Variants in RBFOX3 observed in about 807,000 individuals in gnomAD.
The protein encoded by RBFOX3 is RNA binding fox-1 homolog 3, also known as RNA binding protein fox-1 homolog 3.
RBFOX3 carries 17 observed loss-of-function variants against 48.7 expected under a neutral mutation model. The ratio of observed to expected loss-of-function variants is 0.35; its 90% confidence interval spans 0.24 to 0.52. The LOEUF (loss-of-function observed/expected upper bound fraction) is 0.52. Among genes scored for constraint, RBFOX3 ranks in the 20% least tolerant of loss-of-function variants. The pLI, the probability that RBFOX3 is intolerant of heterozygous loss-of-function variation, is 0.94. For synonymous variants in RBFOX3, 212 were observed against 209.5 expected, an observed-to-expected ratio of 1.01 and a Z score of -0.10; for missense variants, 382 against 497.5, an observed-to-expected ratio of 0.77 and a Z score of 2.21.
At chr17:79,505,244 C>A (rs1223515894) in intron 1 of RBFOX3, among the ~76,000 whole-genome samples, 2 of 152,172 alleles carry the variant, frequency 1.3e-5, no homozygotes, top group African/African-American at 4.8e-5. Flanking sequence ...CCCGCCCAGG[C>A]CCACCACACC....
chr17:79,613,255 G>A (rs2093981756), upstream of RBFOX3, among the ~76,000 whole-genome samples: 1 of 152,234 alleles, frequency 6.6e-6, no homozygotes, highest in Admixed American at 6.5e-5. Flanking sequence ...AGACGCCCGG[G>A]TGGTAAACTG....
chr17:79,424,221 A>G (rs1555724380), intron 2 of RBFOX3: 1 of 152,322 alleles, frequency 6.6e-6, no homozygotes, highest in East Asian at 1.9e-4. Flanking sequence ...GAATGAACAC[A>G]CAGTAGGGGC....
At chr17:79,278,999 A>G (rs751521318) in intron 3 of RBFOX3, among the ~76,000 whole-genome samples, 2 of 152,188 alleles carry the variant, frequency 1.3e-5, no homozygotes, top group Non-Finnish European at 2.9e-5. Flanking sequence ...TTTTGGAGGC[A>G]CATATTAGTA....
chr17:79,286,310 G>A (rs1011187183), intron 3 of RBFOX3, among the ~76,000 whole-genome samples: 2 of 152,102 alleles, frequency 1.3e-5, no homozygotes, highest in African/African-American at 4.8e-5. Context: ...GCAGGTTTTG[G>A]ACTCAGTGGA....
At chr17:79,258,582 T>C (rs2065242489) in intron 3 of RBFOX3, among the ~76,000 whole-genome samples, 1 of 152,226 alleles carries the variant, frequency 6.6e-6, no homozygotes, top group African/African-American at 2.4e-5. Flanking sequence ...AGGGGTCAGA[T>C]CCTGGGCAGA....
At chr17:79,589,968 G>A (rs2093369199) in intron 1 of RBFOX3, among the ~76,000 whole-genome samples, 1 of 152,152 alleles carries the variant, frequency 6.6e-6, no homozygotes, top group Non-Finnish European at 1.5e-5. Context: ...AAAAGAAGAA[G>A]AAAAGGAAAG....
intron 3 of RBFOX3, among the ~76,000 whole-genome samples, chr17:79,251,050 G>A (rs2063874799): frequency 6.6e-6 from 1 of 151,982 alleles, no homozygotes; most frequent in Admixed American, 6.6e-5. Flanking sequence ...TGACCCACCT[G>A]CCTCTGCCTC....
chr17:79,382,693 C>A (rs1047930939), intron 2 of RBFOX3, among the ~76,000 whole-genome samples: 3 of 152,262 alleles, frequency 2.0e-5, no homozygotes, highest in Admixed American at 2.0e-4. Context: ...AGCATCCTCG[C>A]AAACAGCTTC....
chr17:79,555,299 T>G (rs1599140679), intron 1 of RBFOX3, among the ~76,000 whole-genome samples: 4 of 107,280 alleles, frequency 3.7e-5, no homozygotes, highest in Non-Finnish European at 5.8e-5. Flanking sequence ...GTGATGGTGG[T>G]GATGATGGTA....
At chr17:79,372,051 G>A (rs2058618112) in intron 2 of RBFOX3, among the ~76,000 whole-genome samples, 1 of 152,064 alleles carries the variant, frequency 6.6e-6, no homozygotes, top group African/African-American at 2.4e-5. Context: ...CCTCGCAGAC[G>A]CTTCATTTGG....
chr17:79,604,967 C>A (rs1317359245), intron 1 of RBFOX3, among the ~76,000 whole-genome samples: 3 of 152,204 alleles, frequency 2.0e-5, no homozygotes, highest in African/African-American at 7.2e-5. Context: ...GCAGGAGAAG[C>A]ACCTGGACTC....
At chr17:79,432,818 T>C (rs1340925661) in intron 2 of RBFOX3, among the ~76,000 whole-genome samples, 1 of 152,220 alleles carries the variant, frequency 6.6e-6, no homozygotes, top group African/African-American at 2.4e-5. Flanking sequence ...CTTCTTAGTA[T>C]TCTTAGTAAA....
At chr17:79,106,317 T>C (rs932304455) in intron 6 of RBFOX3, among the ~76,000 whole-genome samples, 10 of 151,934 alleles carry the variant, frequency 6.6e-5, no homozygotes, top group Admixed American at 5.9e-4. Flanking sequence ...GGTCCCAAGG[T>C]ACTCTAGGAA....
chr17:79,137,786 A>G (rs1392436131), intron 4 of RBFOX3, among the ~76,000 whole-genome samples: 2 of 152,162 alleles, frequency 1.3e-5, no homozygotes, highest in Non-Finnish European at 2.9e-5. Context: ...TAATTAATGA[A>G]GTTTTTGGGT....
At chr17:79,323,206 G>A (rs1364398415) in intron 2 of RBFOX3, among the ~76,000 whole-genome samples, 1 of 152,244 alleles carries the variant, frequency 6.6e-6, no homozygotes, top group Non-Finnish European at 1.5e-5. Context: ...GAAAGACACA[G>A]CACTGGCATG....
chr17:79,545,583 GGCA>G (rs1287905120), intron 1 of RBFOX3, among the ~76,000 whole-genome samples: 1 of 152,176 alleles, frequency 6.6e-6, no homozygotes, highest in African/African-American at 2.4e-5. Flanking sequence ...CTTCCTTCCA[GGCA>G]GCCGATTGGT....
chr17:79,620,455 G>GCACACACATGCA, the RBFOX3 span, among the ~76,000 whole-genome samples: 8 of 139,226 alleles, frequency 5.7e-5, no homozygotes, highest in African/African-American at 2.1e-4. Flanking sequence ...GCACACATGC[G>GCACACACATGCA]CACACACATG....
chr17:79,518,525 C>T (rs2149959711), intron 1 of RBFOX3, among the ~76,000 whole-genome samples: 1 of 152,350 alleles, frequency 6.6e-6, no homozygotes, highest in South Asian at 2.1e-4. Context: ...TGGCTCATAC[C>T]CACGTGGGGG....
intron 4 of RBFOX3, among the ~76,000 whole-genome samples, chr17:79,230,711 C>A (rs928146117): frequency 6.6e-6 from 1 of 152,100 alleles, no homozygotes; most frequent in East Asian, 1.9e-4. Context: ...AGGTGCCTGT[C>A]TCTACACTAG....
Sources: gnomAD v4.1 joint callset for allele counts (sites outside exome capture counted in the v4.1 genomes callset) on GRCh38, gnomAD v4.1.1 for gene constraint, MANE v1.5 for transcripts, NCBI Gene and HGNC (gene_info 2026-07-23, HGNC 2026-07-21) for gene names.